The following COL11A1 variants were observed in gnomAD, a reference collection of about 807,000 sequenced individuals.
COL11A1 encodes the protein collagen type XI alpha 1 chain, also known as collagen alpha-1(XI) chain.
Under a neutral mutation model 265.2 loss-of-function variants are expected in COL11A1, and 74 were observed. The observed-to-expected ratio is 0.28, with a 90% CI of 0.23 to 0.34. The LOEUF is 0.34. COL11A1 is among the 10% of genes least tolerant of loss of function. COL11A1 has a pLI of 1.00. For missense variants in COL11A1, 2,165 were observed against 2,263.6 expected (o/e 0.96, Z 0.88); for synonymous variants, 816 against 727.6 (o/e 1.12, Z -1.96).
chr1:103,085,744 T>A (rs2102340012), intron 1 of COL11A1, among the ~76,000 whole-genome samples: 1 of 152,330 alleles, frequency 6.6e-6, no homozygotes, highest in South Asian at 2.1e-4. Flanking sequence ...CTAGTCCTGC[T>A]TGCAACGGCT....
intron 4 of COL11A1, among the ~76,000 whole-genome samples, chr1:103,064,768 C>T (rs1401425600): frequency 6.9e-6 from 1 of 145,502 alleles, no homozygotes; most frequent in Non-Finnish European, 1.5e-5. Context: ...AGGGGCTAAA[C>T]TGAAAAGGCT....
Position 102,878,101 on chromosome 1 carries a change from A to G in COL11A1, c.5339T>C (p.Ile1780Thr). 6.2e-7 allele frequency: 1 copy of G among 1,613,366 alleles called. No individual in the cohort carries two copies. Among genetic ancestry groups the G allele is most frequent in the Non-Finnish European group, 8.5e-7 (1 of 1,179,490 alleles). ...INTPKIDQVPIVDVMINDFGD... is the reference protein window; with the variant it reads ...INTPKIDQVPTVDVMINDFGD... ...AAAGTCATTGATCATGACATCAACA[A>G]TAGGTACTTGATCAATTTTTGGTGT... Residue 1780 changes from isoleucine (I) to threonine (T), a missense_variant, in exon 67 of 67, where the codon ATT becomes ACT. Ile to Thr is a moderately conservative substitution (Grantham distance 89). Coordinates refer to ENST00000370096, the MANE Select transcript of COL11A1 (RefSeq NM_001854.4).
At position 102,998,381 on chromosome 1, in the gene COL11A1, A is replaced by AT; in HGVS notation, c.2143-19_2143-18insA. On this transcript the variant is annotated intron_variant, in intron 24 of 66. Transcript: ENST00000370096. ...TGTGGTCCCTTATAGAGAAAAAAAA[A>AT]ATATTAAAAAGATAAAAATAATTTT... 6.5e-7 allele frequency: 1 copy of AT among 1,529,040 alleles called. No individual in the cohort carries two copies. Among genetic ancestry groups the AT allele is most frequent in the South Asian group, 1.3e-5 (1 of 77,422 alleles). The allele number at this position is 1,529,040 out of a possible 1,614,324, so 94.7% of individuals were successfully genotyped here.
chr1:103,015,522 G>C, intron 12 of COL11A1, 146 bp downstream of exon 12: 1 of 578,722 alleles, frequency 1.7e-6, no homozygotes, highest in Non-Finnish European at 2.9e-6. Context: ...AAATTTCCCT[G>C]AATTTCCAAA....
chr1:103,023,128 C>T (rs910046183), intron 7 of COL11A1, 132 bp from the exon 8 acceptor site: 13 of 851,192 alleles, frequency 1.5e-5, no homozygotes, highest in Middle Eastern at 6.8e-4. Flanking sequence ...ACTCTAAACA[C>T]CTGGAAAGTA....
At chr1:103,018,764 T>A in intron 10 of COL11A1, 54 bp downstream of exon 10, 1 of 1,323,342 alleles carries the variant, frequency 7.6e-7, no homozygotes, top group Non-Finnish European at 1.1e-6. Flanking sequence ...TTAATAGAAA[T>A]CTTATATATG....
At chr1:102,898,438 G>T (rs966711669) in intron 56 of COL11A1, among the ~76,000 whole-genome samples, 11 of 151,388 alleles carry the variant, frequency 7.3e-5, no homozygotes, top group Admixed American at 2.0e-4. Flanking sequence ...TTAAAATTTG[G>T]TTTTCTATTT....
intron 24 of COL11A1, chr1:103,001,643 A>G (rs1665117054): frequency 2.1e-6 from 1 of 469,124 alleles, no homozygotes; most frequent in Non-Finnish European, 3.8e-6. Context: ...TAAAATAAAG[A>G]GAAAATATTC....
At chr1:102,987,898 C>T (rs1663739776) in intron 29 of COL11A1, among the ~76,000 whole-genome samples, 158 bp from the exon 30 acceptor site, 1 of 152,090 alleles carries the variant, frequency 6.6e-6, no homozygotes, top group African/African-American at 2.4e-5. Context: ...ATGGAGCAAG[C>T]TAACATTGGG....
At chr1:103,098,985 A>T (rs1224655842) in intron 1 of COL11A1, among the ~76,000 whole-genome samples, 1 of 151,810 alleles carries the variant, frequency 6.6e-6, no homozygotes, top group East Asian at 1.9e-4. Flanking sequence ...GGTGATACAC[A>T]TAGCTATATA....
intron 2 of COL11A1, among the ~76,000 whole-genome samples, chr1:103,080,198 A>G (rs1017328909): frequency 3.3e-5 from 5 of 152,088 alleles, no homozygotes; most frequent in Admixed American, 6.6e-5. Context: ...AGGCATGAAT[A>G]CATTTTTATG....
At chr1:102,912,284 T>C (rs1044328578) in intron 53 of COL11A1, 72 bp from the exon 54 acceptor site, 3 of 1,264,154 alleles carry the variant, frequency 2.4e-6, no homozygotes, top group African/African-American at 1.5e-5. Context: ...TTTCAAAATC[T>C]GGATGGAAAC....
In COL11A1 at chr1:102,881,860, A is replaced by G. The variant is rs12140745; in HGVS notation, c.4972-95T>C. 60,927 of 889,132 alleles carry G rather than the reference A, an allele frequency of 0.069. 2,474 individuals are homozygous for G. The highest frequency in any genetic ancestry group is 0.084 in the Non-Finnish European group (47,289 of 561,890). The allele number at this position is 889,132 out of a possible 1,614,324, so 55.1% of individuals were successfully genotyped here. A position where few individuals can be genotyped will look rare whatever the true frequency, so the allele number is the denominator to read the frequency against. ...ATATAATTCATTTTCAGTAAGACTA[A>G]GAAAATAAAGAGTGCTTAAAATCGT... On this transcript the variant is annotated intron_variant, in intron 64 of 66. Coordinates refer to ENST00000370096, the MANE Select transcript of COL11A1 (RefSeq NM_001854.4).
chr1:102,913,501 A>T (rs1056849654), intron 53 of COL11A1, 136 bp downstream of exon 53: 2 of 766,104 alleles, frequency 2.6e-6, no homozygotes, highest in East Asian at 2.6e-5. Flanking sequence ...GAATTCAAAA[A>T]TTTTTTTGAT....
At chr1:102,891,711 CAAA>C (rs34484060) in intron 57 of COL11A1, among the ~76,000 whole-genome samples, 3 of 67,310 alleles carry the variant, frequency 4.5e-5, no homozygotes, top group African/African-American at 5.5e-5. Flanking sequence ...ATTTTGTCTA[CAAA>C]AAAAAAAAAA....
At chr1:103,076,297 A>T (rs541655253) in intron 3 of COL11A1, among the ~76,000 whole-genome samples, 58 of 152,226 alleles carry the variant, frequency 3.8e-4, no homozygotes, top group African/African-American at 1.4e-3. Flanking sequence ...ACAAGCTGCC[A>T]TCTCTCACAG....
chr1:102,976,362 G>A lies in COL11A1; in HGVS notation c.2755-1479C>T, dbSNP rs547141808. On this transcript the variant is annotated intron_variant, in intron 35 of 66. Transcript: ENST00000370096. Reference sequence around the variant, plus strand: ...TGCCCAGGCTGGAGTGCGGTGGCACGATCTTGGCTCACTGCAACCTCCGCC... The same window carrying A: ...TGCCCAGGCTGGAGTGCGGTGGCACAATCTTGGCTCACTGCAACCTCCGCC... Among the ~76,000 whole-genome samples, 11 of 134,724 alleles carry A rather than the reference G, an allele frequency of 8.2e-5. No individual in the cohort carries two copies. In the East Asian group the frequency reaches 1.9e-3, roughly 24 times the overall value. The allele number at this position is 134,724 out of a possible 152,430, so 88.4% of individuals were successfully genotyped here.
chr1:102,995,795 T>A, intron 28 of COL11A1, 69 bp downstream of exon 28: 1 of 1,278,538 alleles, frequency 7.8e-7, no homozygotes, highest in Non-Finnish European at 1.1e-6. Context: ...AAATAAAATG[T>A]CTGTTGAATA....
chr1:102,997,264 G>T lies in COL11A1; in HGVS notation c.2197-140C>A, dbSNP rs1051182164. The T allele has an allele frequency of 5.1e-6, 4 of 784,668 alleles. No individual in the cohort carries two copies. In the African/African-American group the frequency reaches 5.2e-5, roughly 10 times the overall value. 48.6% of individuals were successfully genotyped at this position (784,668 alleles called of 1,614,324 possible). ...AAACATTGAACACTTTTGCATCAGT[G>T]TGTATGGCTTTAAATAAATTGGAAA... On this transcript the variant is annotated intron_variant, in intron 25 of 66. Coordinates refer to ENST00000370096, the MANE Select transcript of COL11A1 (RefSeq NM_001854.4).
Sources: gnomAD v4.1 joint callset for allele counts (sites outside exome capture counted in the v4.1 genomes callset) on GRCh38, gnomAD v4.1.1 for gene constraint, MANE v1.5 for transcripts, NCBI Gene and HGNC (gene_info 2026-07-23, HGNC 2026-07-21) for gene names.